The following ELAPOR2 variants were observed in gnomAD, a reference collection of about 807,000 sequenced individuals.
ELAPOR2 encodes endosome-lysosome associated apoptosis and autophagy regulator family member 2.
A neutral mutation model predicts 120.7 loss-of-function variants in ELAPOR2; 89 were observed. The ratio of observed to expected loss-of-function variants is 0.74; its 90% CI spans 0.62 to 0.88. The LOEUF (loss-of-function observed/expected upper bound fraction) is 0.88. ELAPOR2 is among the 40% of genes least tolerant of loss of function. The pLI, the probability that ELAPOR2 is intolerant of heterozygous loss-of-function variation, is 0.00. For synonymous variants in ELAPOR2, 444 were observed against 444.9 expected (o/e 1.00, Z 0.03); for missense variants, 1,134 against 1,251.6 (o/e 0.91, Z 1.42).
intron 1 of ELAPOR2, among the ~76,000 whole-genome samples, chr7:87,030,656 G>A (rs571148565): frequency 6.6e-6 from 1 of 152,264 alleles, no homozygotes; most frequent in Non-Finnish European, 1.5e-5. Context: ...ATAACAAGTA[G>A]CTGAGTCTCA....
intron 1 of ELAPOR2, among the ~76,000 whole-genome samples, chr7:86,979,296 C>G (rs191079972): frequency 3.3e-5 from 5 of 152,262 alleles, no homozygotes; most frequent in Admixed American, 2.0e-4. Context: ...CTTCATGCAT[C>G]TTGAAGGACT....
At chr7:86,962,624 C>T (rs1377014305) in intron 2 of ELAPOR2, among the ~76,000 whole-genome samples, 2 of 152,106 alleles carry the variant, frequency 1.3e-5, no homozygotes, top group African/African-American at 4.8e-5. Context: ...CTGCCGCATC[C>T]GGGCTATATG....
chr7:87,012,280 C>T (rs1030654122), intron 1 of ELAPOR2, among the ~76,000 whole-genome samples: 3 of 152,200 alleles, frequency 2.0e-5, no homozygotes, highest in African/African-American at 7.2e-5. Context: ...CATGGTGGCG[C>T]ATGCCTGTAG....
intron 1 of ELAPOR2, among the ~76,000 whole-genome samples, chr7:87,018,673 G>A (rs1180816697): frequency 1.3e-5 from 2 of 152,174 alleles, no homozygotes; most frequent in South Asian, 2.1e-4. Context: ...GACAAATACA[G>A]AGAGAAACTA....
chr7:86,964,784 T>C (rs1791843351), intron 2 of ELAPOR2, 120 bp downstream of exon 2: 2 of 1,006,304 alleles, frequency 2.0e-6, no homozygotes, highest in Non-Finnish European at 2.9e-6. Context: ...CTGCTGGTTA[T>C]CAATGCCATA....
chr7:86,888,770 CATT>C (rs1177132737), intron 21 of ELAPOR2, among the ~76,000 whole-genome samples: 2 of 152,098 alleles, frequency 1.3e-5, no homozygotes, highest in Admixed American at 6.6e-5. Context: ...AAGGAGACAT[CATT>C]ATATGAGGTG....
chr7:86,888,587 T>C (rs1329348394), intron 21 of ELAPOR2, among the ~76,000 whole-genome samples: 1 of 152,072 alleles, frequency 6.6e-6, no homozygotes, highest in Admixed American at 6.6e-5. Flanking sequence ...CTGAGAAATT[T>C]ATCCAAAAGA....
At chr7:87,037,404 A>T (rs1794621439) in intron 1 of ELAPOR2, among the ~76,000 whole-genome samples, 1 of 151,910 alleles carries the variant, frequency 6.6e-6, no homozygotes, top group Non-Finnish European at 1.5e-5. Flanking sequence ...TCAATAAAAG[A>T]CAGCAGCATC....
In ELAPOR2 at chr7:86,925,520, G is replaced by T; in HGVS notation, c.1399+8C>A. ...GAAATACATCAAGTAGGCTGATTTT[G>T]AACTTACCATTCATTCCATCGCACT... On this transcript the variant is annotated splice_region_variant and intron_variant, in intron 10 of 21. Coordinates refer to ENST00000450689, the MANE Select transcript of ELAPOR2 (RefSeq NM_001142749.3). 2 of 1,610,796 alleles carry T rather than the reference G, an allele frequency of 1.2e-6. No individual in the cohort carries two copies. The highest frequency in any genetic ancestry group is 2.2e-5 in the South Asian group (2 of 90,952).
intron 12 of ELAPOR2, among the ~76,000 whole-genome samples, chr7:86,916,300 G>C (rs1789565446): frequency 6.6e-6 from 1 of 152,202 alleles, no homozygotes; most frequent in Non-Finnish European, 1.5e-5. Flanking sequence ...GAGTAAGAGA[G>C]AGCTTCTGAG....
intron 2 of ELAPOR2, among the ~76,000 whole-genome samples, chr7:86,952,857 G>A (rs978658593): frequency 1.3e-5 from 2 of 152,116 alleles, no homozygotes; most frequent in African/African-American, 4.8e-5. Flanking sequence ...CACTTTGGGA[G>A]GCTGAGGCAG....
chr7:86,924,900 G>A (rs956792509), intron 10 of ELAPOR2, among the ~76,000 whole-genome samples: 2 of 151,938 alleles, frequency 1.3e-5, no homozygotes, highest in Admixed American at 6.6e-5. Flanking sequence ...TAAAGGTCTG[G>A]TATATACAAT....
At chr7:86,930,588 T>G (rs1024124645) in intron 8 of ELAPOR2, among the ~76,000 whole-genome samples, 3 of 151,972 alleles carry the variant, frequency 2.0e-5, no homozygotes, top group Admixed American at 6.6e-5. Context: ...ATAAGACATT[T>G]GAATATCAAG....
intron 2 of ELAPOR2, among the ~76,000 whole-genome samples, 170 bp downstream of exon 2, chr7:86,964,734 G>A (rs187340845): frequency 2.0e-5 from 3 of 152,194 alleles, no homozygotes; most frequent in Admixed American, 6.5e-5. Context: ...ACAGACTTGA[G>A]ATATAAGGAC....
intron 16 of ELAPOR2, among the ~76,000 whole-genome samples, chr7:86,908,934 C>T (rs965346553): frequency 6.6e-6 from 1 of 151,952 alleles, no homozygotes; most frequent in Non-Finnish European, 1.5e-5. Context: ...GCTTTTTACT[C>T]ATATTCAATA....
intron 1 of ELAPOR2, among the ~76,000 whole-genome samples, chr7:86,986,765 T>C (rs1245408063): frequency 6.6e-6 from 1 of 151,642 alleles, no homozygotes; most frequent in East Asian, 1.9e-4. Flanking sequence ...AAAATGGCCA[T>C]ACTGCCCAAG....
intron 2 of ELAPOR2, among the ~76,000 whole-genome samples, chr7:86,950,499 G>GCTT (rs1345537836): frequency 2.0e-5 from 3 of 152,084 alleles, no homozygotes; most frequent in African/African-American, 7.3e-5. Context: ...CTGTCTCCAA[G>GCTT]CTTCTGGGTG....
intron 1 of ELAPOR2, among the ~76,000 whole-genome samples, chr7:87,040,655 A>C (rs1297304133): frequency 6.6e-6 from 1 of 152,178 alleles, no homozygotes; most frequent in Non-Finnish European, 1.5e-5. Flanking sequence ...AAAACCACAA[A>C]GAGGGGAAAA....
chr7:87,032,783 T>C (rs1235687885), intron 1 of ELAPOR2, among the ~76,000 whole-genome samples: 1 of 152,126 alleles, frequency 6.6e-6, no homozygotes, highest in African/African-American at 2.4e-5. Flanking sequence ...AGGAAGTTTC[T>C]CAGACAACAG....
Sources: allele counts gnomAD v4.1 joint callset (sites outside exome capture counted in the v4.1 genomes callset), GRCh38; gene constraint gnomAD v4.1.1; transcripts MANE v1.5; gene names NCBI Gene and HGNC (gene_info 2026-07-23, HGNC 2026-07-21).